TMEM242: variants seen among roughly 807,000 people sequenced by gnomAD.
TMEM242 encodes transmembrane protein 242, also known as UPF0463 transmembrane protein C6orf35.
A neutral mutation model predicts 18.2 loss-of-function variants in TMEM242; 10 were observed. The observed-to-expected ratio is 0.55, with a 90% CI of 0.34 to 0.93. TMEM242 has a LOEUF of 0.93. Among genes scored for constraint, TMEM242 ranks in the 40% least tolerant of loss-of-function variants. The pLI, the probability that TMEM242 is intolerant of heterozygous loss-of-function variation, is 0.02. For synonymous variants in TMEM242, 57 were observed against 69.9 expected (o/e 0.81, Z 0.92); for missense variants, 186 against 175.5 (o/e 1.06, Z -0.34).
intron 3 of TMEM242, chr6:157,299,185 T>C (rs587750906): frequency 1.6e-6 from 1 of 632,710 alleles, no homozygotes; most frequent in East Asian, 3.3e-5. Context: ...AGACCCCTAA[T>C]GATGGTGGAA....
At chr6:157,312,576 C>A (rs1778200172) in intron 3 of TMEM242, among the ~76,000 whole-genome samples, 1 of 145,492 alleles carries the variant, frequency 6.9e-6, no homozygotes, top group Non-Finnish European at 1.5e-5. Context: ...GTACGCTCAC[C>A]CGGCCTCATC....
chr6:157,312,994 CAT>C (rs1554249554), intron 3 of TMEM242, among the ~76,000 whole-genome samples: 1 of 152,002 alleles, frequency 6.6e-6, no homozygotes, highest in Non-Finnish European at 1.5e-5. Flanking sequence ...CTAGCCTCAT[CAT>C]AGTGTCCCAG....
intron 3 of TMEM242, among the ~76,000 whole-genome samples, chr6:157,309,949 T>C (rs1274972428): frequency 2.0e-5 from 3 of 152,164 alleles, no homozygotes; most frequent in Non-Finnish European, 4.4e-5. Context: ...GTTAGCAATG[T>C]TCATTCTGCC....
chr6:157,291,033 A>G lies in TMEM242; in HGVS notation c.*1868T>C, dbSNP rs1777677331. The G allele has an allele frequency of 6.6e-6, 1 of 152,338 alleles. No homozygotes were observed. The highest frequency in any genetic ancestry group is 1.5e-5 in the Non-Finnish European group (1 of 68,100). The allele number at this position is 152,338 out of a possible 1,614,324, so 9.4% of individuals were successfully genotyped here. On this transcript the variant is annotated 3_prime_UTR_variant, in exon 4 of 4. Transcript: ENST00000400788. ...GGCTCCTTCCTAGGGCCTAGCTGCC[A>G]TCAGCCTGATGTGCAGCAGCCTCTG...
intron 3 of TMEM242, among the ~76,000 whole-genome samples, chr6:157,315,115 A>G (rs587643904): frequency 3.3e-4 from 50 of 152,332 alleles, no homozygotes; most frequent in African/African-American, 1.2e-3. Flanking sequence ...TTTCTTAGTC[A>G]TACAAAGATG....
intron 3 of TMEM242, among the ~76,000 whole-genome samples, chr6:157,300,514 C>T (rs1206149473): frequency 6.6e-6 from 1 of 152,232 alleles, no homozygotes; most frequent in East Asian, 1.9e-4. Flanking sequence ...ATCTTCTGAA[C>T]GGTGACCCTG....
At chr6:157,317,080 C>A (rs1554250403) in intron 3 of TMEM242, among the ~76,000 whole-genome samples, 2 of 152,180 alleles carry the variant, frequency 1.3e-5, no homozygotes, top group African/African-American at 4.8e-5. Context: ...CCTGCTGAAT[C>A]ATTCCCATCA....
chr6:157,311,522 A>G (rs1293454081), intron 3 of TMEM242, among the ~76,000 whole-genome samples: 3 of 11,430 alleles, frequency 2.6e-4, no homozygotes, highest in African/African-American at 7.8e-4. Context: ...CCCAGTGTGC[A>G]CTCAACCGGC....
chr6:157,297,273 A>G (rs1389494938), intron 3 of TMEM242, among the ~76,000 whole-genome samples: 1 of 152,228 alleles, frequency 6.6e-6, no homozygotes, highest in African/African-American at 2.4e-5. Flanking sequence ...CTGCTTGAAT[A>G]TGCACAGGGG....
At chr6:157,295,407 C>T (rs923312708) in intron 3 of TMEM242, among the ~76,000 whole-genome samples, 1 of 152,226 alleles carries the variant, frequency 6.6e-6, no homozygotes, top group African/African-American at 2.4e-5. Flanking sequence ...CAATGTGCTG[C>T]CTGGTTCTTT....
chr6:157,300,709 G>T (rs1316900768), intron 3 of TMEM242, among the ~76,000 whole-genome samples: 1 of 152,182 alleles, frequency 6.6e-6, no homozygotes, highest in Non-Finnish European at 1.5e-5. Context: ...GCTTGAGCAG[G>T]GTAGGGGCCC....
intron 3 of TMEM242, among the ~76,000 whole-genome samples, chr6:157,312,805 T>TCC (rs2128416257): frequency 6.9e-6 from 1 of 145,754 alleles, no homozygotes; most frequent in Non-Finnish European, 1.5e-5. Flanking sequence ...TGCCCCAGTG[T>TCC]GAACTCAACT....
intron 3 of TMEM242, among the ~76,000 whole-genome samples, chr6:157,306,110 C>T (rs1226600209): frequency 6.6e-6 from 1 of 152,150 alleles, no homozygotes; most frequent in Non-Finnish European, 1.5e-5. Flanking sequence ...GAGCAAGGTC[C>T]CTTGTAGATG....
chr6:157,311,136 G>A (rs1778052431), intron 3 of TMEM242, among the ~76,000 whole-genome samples: 2 of 142,312 alleles, frequency 1.4e-5, no homozygotes, highest in South Asian at 4.6e-4. Flanking sequence ...CCATCATAGT[G>A]TCCCAGTGTG....
At chr6:157,303,314 C>G (rs1777855655) in intron 3 of TMEM242, among the ~76,000 whole-genome samples, 1 of 152,088 alleles carries the variant, frequency 6.6e-6, no homozygotes, top group Non-Finnish European at 1.5e-5. Context: ...GCCACAGACC[C>G]CATCTAGAGA....
chr6:157,310,445 C>T (rs1554248282), intron 3 of TMEM242, among the ~76,000 whole-genome samples: 6 of 117,448 alleles, frequency 5.1e-5, no homozygotes, highest in Non-Finnish European at 1.1e-4. Context: ...CCAGTGTGCA[C>T]TCACCTAGCC....
At chr6:157,310,546 GCTCACCTA>G (rs1777998256) in intron 3 of TMEM242, among the ~76,000 whole-genome samples, 1 of 2,824 alleles carries the variant, frequency 3.5e-4, no homozygotes. Flanking sequence ...CCCAGTGTGC[GCTCACCTA>G]GCCTCATCAT....
chr6:157,302,845 G>C (rs1348113437), intron 3 of TMEM242, among the ~76,000 whole-genome samples: 5 of 152,164 alleles, frequency 3.3e-5, no homozygotes, highest in African/African-American at 9.7e-5. Context: ...ACTTTCGGTT[G>C]TACCACTTAG....
chr6:157,310,687 C>A (rs975160671), intron 3 of TMEM242, among the ~76,000 whole-genome samples: 1 of 150,886 alleles, frequency 6.6e-6, no homozygotes, highest in African/African-American at 2.5e-5. Context: ...TGTGCGCTCA[C>A]CTAGCCTCAT....
Sources: gnomAD v4.1 joint callset for allele counts (sites outside exome capture counted in the v4.1 genomes callset) on GRCh38, gnomAD v4.1.1 for gene constraint, MANE v1.5 for transcripts, NCBI Gene and HGNC (gene_info 2026-07-23, HGNC 2026-07-21) for gene names.